The following LOXL3 variants were observed in gnomAD, a reference collection of about 807,000 sequenced individuals.
LOXL3 encodes the protein lysyl oxidase homolog 3.
Under a neutral mutation model 91.8 loss-of-function variants are expected in LOXL3, and 60 were observed. That is an observed-to-expected ratio of 0.65 (90% CI 0.53 to 0.81). The LOEUF is 0.81. Ranked by LOEUF, LOXL3 falls within the 30% of genes least tolerant of loss-of-function variation. The pLI is 0.00. For missense variants in LOXL3, 874 were observed against 1,000.4 expected (o/e 0.87, Z 1.70); for synonymous variants, 355 against 387.6 (o/e 0.92, Z 0.99).
At chr2:74,544,504 C>T (rs1408813690) in intron 4 of LOXL3, among the ~76,000 whole-genome samples, 1 of 152,186 alleles carries the variant, frequency 6.6e-6, no homozygotes, top group Non-Finnish European at 1.5e-5. Context: ...CAATAAACAT[C>T]TGTCAAGCTG....
Position 74,536,856 on chromosome 2 carries a change from G to C in LOXL3, c.765C>G (p.Leu255=). The C allele has an allele frequency of 1.2e-6, 2 of 1,614,226 alleles. No individual in the cohort carries two copies. Among genetic ancestry groups the C allele is most frequent in the East Asian group, 2.2e-5 (1 of 44,880 alleles). The part of the protein sequence containing the change: ...GVACVGTEAH[L]SLCSLEFYRA... ...GATAGAACTCCAGGGAACAGAGGGA[G>C]AGGTGGGCCTCCGTGCCCACGCACG... Residue 255 remains leucine (L), a synonymous_variant, in exon 5 of 14, where the codon CTC becomes CTG. Coordinates refer to ENST00000264094, the MANE Select transcript of LOXL3 (RefSeq NM_032603.5). This position sits in a 1 kb window ranked among gnomAD's most constrained non-coding sequence, Gnocchi z 4.5.
intron 4 of LOXL3, among the ~76,000 whole-genome samples, chr2:74,537,573 G>C (rs1676100353): frequency 6.6e-6 from 1 of 152,214 alleles, no homozygotes; most frequent in African/African-American, 2.4e-5. Flanking sequence ...GTCAAAGTTT[G>C]AGGGAATAAA....
At chr2:74,537,023 C>T in intron 4 of LOXL3, 95 bp from the exon 5 acceptor site, 1 of 942,932 alleles carries the variant, frequency 1.1e-6, no homozygotes, top group Admixed American at 2.3e-5. Flanking sequence ...CACCATGCCC[C>T]CCACCCTTTT....
In LOXL3 at chr2:74,534,740, C is replaced by G. The variant is rs1558617631; in HGVS notation, c.1614G>C (p.Val538=). The change falls in exon 10 of 14, where the codon GTG becomes GTC. Residue 538 remains valine, a synonymous_variant. Transcript: ENST00000264094. ...GGTCTTCGATGTAGGCGGTCTCCTG[C>G]ACCAGTGCTGAGTGCAGCAACAGAT... ...ASDLLLHSAL[V]QETAYIEDRP... The G allele has an allele frequency of 6.2e-7, 1 of 1,614,086 alleles. No individual in the cohort carries two copies. The highest frequency in any genetic ancestry group is 2.2e-5 in the East Asian group (1 of 44,892).
In LOXL3 at chr2:74,533,113, G is replaced by A; in HGVS notation, c.*493C>T. 1 of 779,444 alleles carries A rather than the reference G, an allele frequency of 1.3e-6. No individual in the cohort carries two copies. The highest frequency in any genetic ancestry group is 2.2e-6 in the Non-Finnish European group (1 of 455,034). The allele number at this position is 779,444 out of a possible 1,614,324, so 48.3% of individuals were successfully genotyped here. A position where few individuals can be genotyped will look rare whatever the true frequency, so the allele number is the denominator to read the frequency against. On this transcript the variant is annotated 3_prime_UTR_variant, in exon 14 of 14. Transcript: ENST00000264094. Reference sequence around the variant, plus strand: ...GCAGGTCCCTCCAACCACCAGCACTGACTCCTGGGCTCTGAAGAATCACAG... The same window carrying A: ...GCAGGTCCCTCCAACCACCAGCACTAACTCCTGGGCTCTGAAGAATCACAG...
Position 74,534,589 on chromosome 2 carries a change from G to T in LOXL3, c.1765C>A (p.Arg589=). ...RFSSQIHNLG[R]ADFRPKAGRH... Reference sequence around the variant, plus strand: ...CCAGCCTTGGGCCTGAAGTCAGCTCGTCCCAGGTTGTGGATCTGGGAGGAG... The same window carrying T: ...CCAGCCTTGGGCCTGAAGTCAGCTCTTCCCAGGTTGTGGATCTGGGAGGAG... Residue 589 remains arginine (R), a synonymous_variant, in exon 10 of 14, where the codon CGA becomes AGA. Coordinates refer to ENST00000264094, the MANE Select transcript of LOXL3 (RefSeq NM_032603.5). 6.2e-7 allele frequency: 1 copy of T among 1,614,196 alleles called. No homozygotes were observed. Among genetic ancestry groups the T allele is most frequent in the Non-Finnish European group, 8.5e-7 (1 of 1,180,034 alleles).
At chr2:74,554,687 C>G, upstream of LOXL3, 1 of 1,545,648 alleles carries the variant, frequency 6.5e-7, no homozygotes, top group East Asian at 2.3e-5. The surrounding 1 kb of genome is among the most constrained non-coding windows in gnomAD (Gnocchi z 4.9). Context: ...CTCCAGGGAA[C>G]CCGGCCCCGC....
intron 4 of LOXL3, among the ~76,000 whole-genome samples, chr2:74,546,409 C>T (rs555459516): frequency 3.3e-5 from 5 of 152,316 alleles, no homozygotes; most frequent in South Asian, 2.1e-4. Context: ...CCCGCAGGAT[C>T]TGGCTTCCCA....
chr2:74,554,378 T>G (rs969247106), upstream of LOXL3: 30 of 239,798 alleles, frequency 1.3e-4, 1 homozygote, highest in East Asian at 3.3e-3. The surrounding 1 kb of genome is among the most constrained non-coding windows in gnomAD (Gnocchi z 4.9). Flanking sequence ...CGGAGGCCCG[T>G]GTGGGTCTCT....
chr2:74,533,662 C>T lies in LOXL3; in HGVS notation c.2206G>A (p.Glu736Lys), dbSNP rs1452548000. ...NCHIGDAFSE[E>K]ANRRFERYPG... The stretch of plus-strand genomic sequence containing the variant: ...TAGCGTTCAAACCTCCTGTTGGCCT[C>T]TTCACTGAAGGCATCACCTGCAGAG... The change falls in exon 14 of 14, where the codon GAG becomes AAG. Residue 736 changes from glutamate (E) to lysine (K), a missense_variant. Physicochemically the swap from Glu to Lys is moderately conservative, Grantham distance 56. Coordinates refer to ENST00000264094, the MANE Select transcript of LOXL3 (RefSeq NM_032603.5). 3.7e-6 allele frequency: 6 copies of T among 1,614,040 alleles called. No homozygotes were observed. Among genetic ancestry groups the T allele is most frequent in the Non-Finnish European group, 8.5e-7 (1 of 1,180,010 alleles).
At chr2:74,543,592 G>A (rs1272890892) in intron 4 of LOXL3, among the ~76,000 whole-genome samples, 1 of 151,984 alleles carries the variant, frequency 6.6e-6, no homozygotes, top group African/African-American at 2.4e-5. Context: ...CAGAAATAGA[G>A]TCAAAGGCGG....
At chr2:74,542,150 G>A (rs138086351) in intron 4 of LOXL3, among the ~76,000 whole-genome samples, 4,996 of 151,714 alleles carry the variant, frequency 0.033, 120 homozygotes, top group Non-Finnish European at 0.05. Context: ...AAAATTAGCC[G>A]GGTGTGGTGG....
chr2:74,555,088 T>G, upstream of LOXL3: 4 of 1,536,930 alleles, frequency 2.6e-6, no homozygotes, highest in South Asian at 5.0e-5. The surrounding 1 kb of genome is among the most constrained non-coding windows in gnomAD (Gnocchi z 6.1). Flanking sequence ...GCAACCTCCT[T>G]CCCCGTCGGG....
chr2:74,540,831 T>C (rs1676285550), intron 4 of LOXL3, among the ~76,000 whole-genome samples: 1 of 151,768 alleles, frequency 6.6e-6, no homozygotes, highest in South Asian at 2.1e-4. Context: ...CATGACTGGC[T>C]AATATTTGTT....
chr2:74,534,427 A>G lies in LOXL3; in HGVS notation c.1828T>C (p.Tyr610His), dbSNP rs777658017. Reference sequence around the variant, plus strand: ...TGAGTGAAGATGTCCATGCTGTGGTAATGCCTGTGGGGAGAAGGGAACTTC... The same window carrying G: ...TGAGTGAAGATGTCCATGCTGTGGTGATGCCTGTGGGGAGAAGGGAACTTC... ...SWVWHECHGH[Y>H]HSMDIFTHYD... The change falls in exon 11 of 14, where the codon TAC (tyrosine) becomes CAC (histidine). Residue 610 changes from tyrosine (Y) to histidine (H), a missense_variant. Physicochemically the swap from Tyr to His is moderately conservative, Grantham distance 83. Coordinates refer to ENST00000264094, the MANE Select transcript of LOXL3 (RefSeq NM_032603.5). The G allele has an allele frequency of 6.2e-7, 1 of 1,614,170 alleles. No homozygotes were observed. Among genetic ancestry groups the G allele is most frequent in the South Asian group, 1.1e-5 (1 of 91,080 alleles).
At position 74,552,600 on chromosome 2, in the gene LOXL3, C is replaced by G. The variant is rs1271103629; in HGVS notation, c.35G>C (p.Trp12Ser). The G allele has an allele frequency of 6.3e-7, 1 of 1,587,742 alleles. No homozygotes were observed. ...RPVSVWQWSPWGLLLCLLCSS... is the reference protein window; with the variant it reads ...RPVSVWQWSPSGLLLCLLCSS... ...GCACAGCAGGCACAGCAGCAGCCCC[C>G]AGGGGCTCCACTGCCAGACACTGAC... Residue 12 changes from tryptophan to serine, a missense_variant, in exon 2 of 14, where the codon TGG (tryptophan) becomes TCG (serine). Trp to Ser is a radical substitution (Grantham distance 177). Transcript: ENST00000264094.
rs746133895 is a variant in LOXL3, at chr2:74,536,796, GCCCC to G, written c.821_824del (p.Gly274AlafsTer5). 6.2e-7 allele frequency: 1 copy of G among 1,613,066 alleles called. No homozygotes were observed. The highest frequency in any genetic ancestry group is 8.5e-7 in the Non-Finnish European group (1 of 1,179,336). ...CTGGCACACAGCTCACCACTGCAGG[GCCCC>G]CCCCAGGGCACCTGGCGGTGTCATT... On this transcript the variant is annotated frameshift_variant, in exon 5 of 14. Coordinates refer to ENST00000264094, the MANE Select transcript of LOXL3 (RefSeq NM_032603.5). LOFTEE classifies it high-confidence loss of function. The surrounding 1 kb of genome is among the most constrained non-coding windows in gnomAD (Gnocchi z 4.5).
chr2:74,551,617 C>G (rs921366503), intron 2 of LOXL3, among the ~76,000 whole-genome samples: 5 of 152,242 alleles, frequency 3.3e-5, no homozygotes, highest in African/African-American at 1.2e-4. Context: ...CTAGGCAGCT[C>G]TCCTCTGAAA....
At chr2:74,545,101 T>A (rs1347870848) in intron 4 of LOXL3, among the ~76,000 whole-genome samples, 1 of 152,236 alleles carries the variant, frequency 6.6e-6, no homozygotes, top group Non-Finnish European at 1.5e-5. Flanking sequence ...ACAGCCCATC[T>A]CTAAAGCTAG....
Sources: allele counts gnomAD v4.1 joint callset (sites outside exome capture counted in the v4.1 genomes callset), GRCh38; gene constraint gnomAD v4.1.1; non-coding constraint Gnocchi (gnomAD v3.1); transcripts MANE v1.5; gene names NCBI Gene and HGNC (gene_info 2026-07-23, HGNC 2026-07-21).